The following PRDM6 variants were observed in gnomAD, a reference collection of about 807,000 sequenced individuals.
PRDM6 encodes PR/SET domain 6.
PRDM6 carries 25 observed loss-of-function variants against 60.8 expected under a neutral mutation model. That is an observed-to-expected ratio of 0.41 (90% CI 0.30 to 0.57). The LOEUF is 0.57. Among genes scored for constraint, PRDM6 ranks in the 20% least tolerant of loss-of-function variants. The pLI, the probability that PRDM6 is intolerant of heterozygous loss-of-function variation, is 0.27. For missense variants in PRDM6, 839 were observed against 821.3 expected (o/e 1.02, Z -0.26); for synonymous variants, 407 against 357.4 (o/e 1.14, Z -1.57).
intron 2 of PRDM6, among the ~76,000 whole-genome samples, chr5:123,097,665 A>AGT (rs1190374208): frequency 6.6e-6 from 1 of 152,088 alleles, no homozygotes; most frequent in Non-Finnish European, 1.5e-5. Flanking sequence ...GGGTGTGTGA[A>AGT]GTGTGTGTGT....
Position 123,120,210 on chromosome 5 carries a change from T to A in PRDM6, c.900+20249T>A, listed in dbSNP as rs577909866. On this transcript the variant is annotated intron_variant, in intron 3 of 7. Transcript: ENST00000407847. ...TTTGAGAAGATGAAAATGGAAAATT[T>A]TAAAGAGGAACAAATGTGCATAATT... Among the ~76,000 whole-genome samples, 3 of 152,372 alleles carry A rather than the reference T, an allele frequency of 2.0e-5. 1 individual carries two copies. The East Asian group carries it at 5.8e-4, about 29-fold the overall frequency.
chr5:123,190,374 A>G lies in PRDM6; in HGVS notation c.*3173A>G, dbSNP rs1766384706. The stretch of plus-strand genomic sequence containing the variant: ...GGCAAAGTTGTATTTTCCCCAGGAT[A>G]TGTGCATACATTTTTCATAGATAAG... On this transcript the variant is annotated 3_prime_UTR_variant, in exon 8 of 8. Transcript: ENST00000407847. 6.6e-6 allele frequency: 1 copy of G among 152,204 alleles called. No homozygotes were observed. The highest frequency in any genetic ancestry group is 2.1e-4 in the South Asian group (1 of 4,838). The allele number at this position is 152,204 out of a possible 1,614,324, so 9.4% of individuals were successfully genotyped here.
At chr5:123,151,337 C>T (rs1765364672) in intron 3 of PRDM6, among the ~76,000 whole-genome samples, 1 of 152,126 alleles carries the variant, frequency 6.6e-6, no homozygotes, top group Admixed American at 6.5e-5. Flanking sequence ...ATGCTGAAAT[C>T]CAGGGAACCC....
intron 3 of PRDM6, among the ~76,000 whole-genome samples, chr5:123,129,721 A>T (rs972191119): frequency 2.0e-5 from 3 of 152,220 alleles, no homozygotes; most frequent in Non-Finnish European, 4.4e-5. Context: ...AAACAAGCAC[A>T]AAATTTGAGG....
chr5:123,164,202 C>T (rs555354969), intron 5 of PRDM6, among the ~76,000 whole-genome samples: 1 of 152,304 alleles, frequency 6.6e-6, no homozygotes, highest in East Asian at 1.9e-4. Flanking sequence ...TGTGCAGATG[C>T]TGTGTGAGGT....
At chr5:123,116,029 G>T (rs937639644) in intron 3 of PRDM6, among the ~76,000 whole-genome samples, 1 of 152,196 alleles carries the variant, frequency 6.6e-6, no homozygotes, top group Non-Finnish European at 1.5e-5. Context: ...ATTTACAAGA[G>T]ATTTCATCAC....
Position 123,090,458 on chromosome 5 carries a change from C to G in PRDM6, c.444C>G (p.Val148=), listed in dbSNP as rs1580469383. 1 of 1,473,284 alleles carries G rather than the reference C, an allele frequency of 6.8e-7. No individual in the cohort carries two copies. Among genetic ancestry groups the G allele is most frequent in the Non-Finnish European group, 8.9e-7 (1 of 1,121,106 alleles). The allele number at this position is 1,473,284 out of a possible 1,614,324, so 91.3% of individuals were successfully genotyped here. A position where few individuals can be genotyped will look rare whatever the true frequency, so the allele number is the denominator to read the frequency against. The change falls in exon 2 of 8, where the codon GTC becomes GTG. Residue 148 remains valine (V), a synonymous_variant. Coordinates refer to ENST00000407847, the MANE Select transcript of PRDM6 (RefSeq NM_001136239.4). ...GCGCCACCTCCGGCCCCGGGCCCGTCAAGTGCGGTGGTGGTGGCGGCGGCG... is the reference window on the plus strand; with the variant it reads ...GCGCCACCTCCGGCCCCGGGCCCGTGAAGTGCGGTGGTGGTGGCGGCGGCG... The part of the protein sequence containing the change: ...CLGATSGPGP[V]KCGGGGGGGG...
intron 3 of PRDM6, among the ~76,000 whole-genome samples, chr5:123,106,331 A>G (rs2150210586): frequency 6.6e-6 from 1 of 152,342 alleles, no homozygotes; most frequent in East Asian, 1.9e-4. Flanking sequence ...GACATCACAC[A>G]CATTTGCTTC....
rs1467004646 is a variant in PRDM6, at chr5:123,170,906, C to T, written c.1294C>T (p.Leu432Phe). The T allele has an allele frequency of 1.9e-6, 3 of 1,552,218 alleles. No individual in the cohort carries two copies. Among genetic ancestry groups the T allele is most frequent in the Non-Finnish European group, 2.6e-6 (3 of 1,147,114 alleles). Reference sequence around the variant, plus strand: ...GACTCCGTGCAGCAGGAACTTCTCTCTTCTGGATAAGTCTGGGCCCATTGA... The same window carrying T: ...GACTCCGTGCAGCAGGAACTTCTCTTTTCTGGATAAGTCTGGGCCCATTGA... Reference protein sequence around the residue: ...PQTPCSRNFSLLDKSGPIESG... With the variant: ...PQTPCSRNFSFLDKSGPIESG... The change falls in exon 6 of 8, where the codon CTT becomes TTT. Residue 432 changes from leucine to phenylalanine, a missense_variant. By Grantham distance (22) the Leu-to-Phe change is conservative. Transcript: ENST00000407847.
At chr5:123,110,406 C>T (rs1043891295) in intron 3 of PRDM6, among the ~76,000 whole-genome samples, 2 of 150,884 alleles carry the variant, frequency 1.3e-5, no homozygotes, top group Non-Finnish European at 3.0e-5. Context: ...TTACAGGCAG[C>T]TGCCACCACG....
rs991123084 is a variant in PRDM6 at position 123,192,255 on chromosome 5, C to A, written c.*5054C>A. The A allele has an allele frequency of 2.6e-5, 4 of 152,192 alleles. No homozygotes were observed. The highest frequency in any genetic ancestry group is 9.7e-5 in the African/African-American group (4 of 41,446). The allele number at this position is 152,192 out of a possible 1,614,324, so 9.4% of individuals were successfully genotyped here. A position where few individuals can be genotyped will look rare whatever the true frequency, so the allele number is the denominator to read the frequency against. ...CTTTTAATCCTTAGTAACTCTATAA[C>A]AAAGATACTATCATTATCCCCTTCT... On this transcript the variant is annotated 3_prime_UTR_variant, in exon 8 of 8. Coordinates refer to ENST00000407847, the MANE Select transcript of PRDM6 (RefSeq NM_001136239.4).
chr5:123,145,546 C>G (rs1393029777), intron 3 of PRDM6, among the ~76,000 whole-genome samples: 1 of 152,148 alleles, frequency 6.6e-6, no homozygotes, highest in African/African-American at 2.4e-5. Flanking sequence ...AAGTAAATGT[C>G]TTTGATGTAG....
rs77841424 is a variant in PRDM6, at chr5:123,131,752, T to G, written c.901-24132T>G. Among the ~76,000 whole-genome samples, 985 of 152,330 alleles carry G rather than the reference T, an allele frequency of 6.5e-3. 14 individuals carry two copies. Among genetic ancestry groups the G allele is most frequent in the African/African-American group, 0.023 (940 of 41,562 alleles). On this transcript the variant is annotated intron_variant, in intron 3 of 7. Coordinates refer to ENST00000407847, the MANE Select transcript of PRDM6 (RefSeq NM_001136239.4). Reference sequence around the variant, plus strand: ...AGGTCATGTCTGACTCAAATGTATATTCTCAAGTTTTGATTCATATTTTCT... The same window carrying G: ...AGGTCATGTCTGACTCAAATGTATAGTCTCAAGTTTTGATTCATATTTTCT...
At chr5:123,183,027 G>A (rs575899802) in intron 7 of PRDM6, among the ~76,000 whole-genome samples, 1 of 152,144 alleles carries the variant, frequency 6.6e-6, no homozygotes, top group Non-Finnish European at 1.5e-5. Context: ...ATGGACATTT[G>A]TAAATATTAT....
chr5:123,129,915 A>G (rs1764782159), intron 3 of PRDM6, among the ~76,000 whole-genome samples: 1 of 152,112 alleles, frequency 6.6e-6, no homozygotes, highest in Admixed American at 6.5e-5. Flanking sequence ...TAGCATCTGC[A>G]CTGATTGGCA....
intron 5 of PRDM6, among the ~76,000 whole-genome samples, chr5:123,170,158 C>T (rs1765852454): frequency 1.3e-5 from 2 of 152,158 alleles, no homozygotes; most frequent in Admixed American, 1.3e-4. Flanking sequence ...GTGACCAGAT[C>T]CCATGCCCTG....
chr5:123,111,231 A>C (rs1247066271), intron 3 of PRDM6, among the ~76,000 whole-genome samples: 1 of 151,960 alleles, frequency 6.6e-6, no homozygotes, highest in Non-Finnish European at 1.5e-5. Flanking sequence ...AAAAAAATCT[A>C]TGTTTTCAAT....
chr5:123,178,590 G>A (rs566796637), intron 6 of PRDM6, among the ~76,000 whole-genome samples: 1 of 152,228 alleles, frequency 6.6e-6, no homozygotes, highest in South Asian at 2.1e-4. Context: ...ATATTTCTTT[G>A]AAACTTGTTT....
chr5:123,125,154 C>CAA, intron 3 of PRDM6, among the ~76,000 whole-genome samples: 1 of 134,098 alleles, frequency 7.5e-6, no homozygotes, highest in Non-Finnish European at 1.6e-5. Flanking sequence ...CACCCCCTCC[C>CAA]CCCCACCCGC....
Sources: allele counts gnomAD v4.1 joint callset (sites outside exome capture counted in the v4.1 genomes callset), GRCh38; gene constraint gnomAD v4.1.1; transcripts MANE v1.5; gene names NCBI Gene and HGNC (gene_info 2026-07-23, HGNC 2026-07-21).